PIK3C2A: variants seen among roughly 807,000 people sequenced by gnomAD.
PIK3C2A encodes the protein phosphatidylinositol 4-phosphate 3-kinase C2 domain-containing subunit alpha.
A neutral mutation model predicts 204.5 loss-of-function variants in PIK3C2A; 97 were observed. That is an observed-to-expected ratio of 0.47 (90% CI 0.40 to 0.56). The LOEUF is 0.56. PIK3C2A is among the 20% of genes least tolerant of loss of function. The pLI is 0.00. For missense variants in PIK3C2A, 1,735 were observed against 1,969.2 expected (o/e 0.88, Z 2.25); for synonymous variants, 653 against 664.4 (o/e 0.98, Z 0.26).
Position 17,091,353 on chromosome 11 carries a change from TTCC to T in PIK3C2A, c.4856_4858del (p.Arg1619del). ...ACTTACCATTTCATTGAATGTCGGA[TTCC>T]TCGTTTTTCGTGAAATTTTGGTTTT... On this transcript the variant is annotated inframe_deletion, in exon 32 of 33. Coordinates refer to ENST00000691414, the MANE Select transcript of PIK3C2A (RefSeq NM_002645.4). 1 of 1,613,356 alleles carries T rather than the reference TTCC, an allele frequency of 6.2e-7. No individual in the cohort carries two copies. Among genetic ancestry groups the T allele is most frequent in the East Asian group, 2.2e-5 (1 of 44,868 alleles).
At chr11:17,127,388 A>G (rs1304858704) in intron 13 of PIK3C2A, among the ~76,000 whole-genome samples, 4 of 151,994 alleles carry the variant, frequency 2.6e-5, no homozygotes, top group African/African-American at 9.7e-5. Context: ...GACTCACAGC[A>G]ACCTCTGCCT....
In PIK3C2A at chr11:17,136,629, TAAAAATA is replaced by T. The variant is rs1289538037; in HGVS notation, c.1705-11_1705-5del. ...GATCTACTGCTCGGTGTTGGTTCTT[TAAAAATA>T]AAAAATAAAATAAAAATAGGTAGGT... On this transcript the variant is annotated splice_region_variant and splice_polypyrimidine_tract_variant and intron_variant, in intron 8 of 32. Transcript: ENST00000691414. 2.7e-6 allele frequency: 4 copies of T among 1,505,730 alleles called. No individual in the cohort carries two copies. The highest frequency in any genetic ancestry group is 2.8e-5 in the African/African-American group (2 of 70,762). The allele number at this position is 1,505,730 out of a possible 1,614,324, so 93.3% of individuals were successfully genotyped here.
At chr11:17,200,014 C>T (rs987484645) in intron 1 of PIK3C2A, among the ~76,000 whole-genome samples, 1 of 149,666 alleles carries the variant, frequency 6.7e-6, no homozygotes, top group African/African-American at 2.5e-5. Flanking sequence ...GTAAAAAATA[C>T]AAAAAATACA....
At chr11:17,182,660 AT>A (rs1231224111) in intron 1 of PIK3C2A, among the ~76,000 whole-genome samples, 1 of 151,810 alleles carries the variant, frequency 6.6e-6, no homozygotes, top group Non-Finnish European at 1.5e-5. Context: ...TCCCCCTTTC[AT>A]TTGCCAATCT....
intron 2 of PIK3C2A, among the ~76,000 whole-genome samples, chr11:17,156,028 T>G (rs560449594): frequency 6.6e-6 from 1 of 152,298 alleles, no homozygotes; most frequent in Non-Finnish European, 1.5e-5. Context: ...TTCTATATAT[T>G]CAACTAGGAC....
Position 17,092,201 on chromosome 11 carries a change from A to T in PIK3C2A, c.4527T>A (p.Ser1509Arg), listed in dbSNP as rs1590891212. ...VAAKRKIELNSYLQSLMNAST... is the reference protein window; with the variant it reads ...VAAKRKIELNRYLQSLMNAST... ...AAGCATTCATCAAACTCTGTAAGTA[A>T]CTGTTTAACTCAATTTTCCTTTTGG... The change falls in exon 29 of 33, where the codon AGT becomes AGA. Residue 1509 changes from serine (S) to arginine (R), a missense_variant. Ser to Arg is a moderately radical substitution (Grantham distance 110). Coordinates refer to ENST00000691414, the MANE Select transcript of PIK3C2A (RefSeq NM_002645.4). The T allele has an allele frequency of 1.9e-6, 3 of 1,607,206 alleles. No individual in the cohort carries two copies. Among genetic ancestry groups the T allele is most frequent in the Non-Finnish European group, 1.7e-6 (2 of 1,173,742 alleles).
chr11:17,125,196 AG>A (rs1023285548), intron 13 of PIK3C2A, among the ~76,000 whole-genome samples: 1 of 152,206 alleles, frequency 6.6e-6, no homozygotes, highest in Admixed American at 6.5e-5. Flanking sequence ...AAAACAAAAA[AG>A]GCGGCACTGA....
chr11:17,102,958 A>C (rs1368890361), intron 23 of PIK3C2A, 127 bp from the exon 24 acceptor site: 1 of 595,968 alleles, frequency 1.7e-6, no homozygotes, highest in African/African-American at 1.9e-5. Context: ...AATAGCATAC[A>C]AACTGGGATA....
At chr11:17,134,147 A>T (rs1256732982) in intron 11 of PIK3C2A, among the ~76,000 whole-genome samples, 1 of 152,166 alleles carries the variant, frequency 6.6e-6, no homozygotes, top group African/African-American at 2.4e-5. Flanking sequence ...TTAAACACCA[A>T]GATAACTGGT....
At chr11:17,140,501 C>T (rs1020926756) in intron 8 of PIK3C2A, among the ~76,000 whole-genome samples, 2 of 152,118 alleles carry the variant, frequency 1.3e-5, no homozygotes, top group African/African-American at 4.8e-5. Flanking sequence ...ATGCCTACTA[C>T]AACATGGATG....
chr11:17,092,413 C>T, intron 28 of PIK3C2A, 137 bp from the exon 29 acceptor site: 1 of 613,148 alleles, frequency 1.6e-6, no homozygotes, highest in Non-Finnish European at 2.9e-6. Flanking sequence ...GGCACGGTGG[C>T]TCATGGCCTT....
intron 2 of PIK3C2A, among the ~76,000 whole-genome samples, chr11:17,168,273 A>C (rs1171209599): frequency 6.6e-6 from 1 of 152,184 alleles, no homozygotes; most frequent in Non-Finnish European, 1.5e-5. Flanking sequence ...CAAAGTGAAA[A>C]ATATTTTTTT....
intron 8 of PIK3C2A, among the ~76,000 whole-genome samples, chr11:17,143,639 A>G (rs12418086): frequency 7.0e-6 from 1 of 143,120 alleles, no homozygotes; most frequent in Non-Finnish European, 1.5e-5. Flanking sequence ...AAAAAAAAAC[A>G]AAAAAAAAAG....
chr11:17,110,253 A>G (rs1848955885), intron 22 of PIK3C2A, among the ~76,000 whole-genome samples, 179 bp downstream of exon 22: 1 of 152,100 alleles, frequency 6.6e-6, no homozygotes, highest in African/African-American at 2.4e-5. Context: ...ATGCCCGGCC[A>G]CTAAGTTATT....
At chr11:17,109,771 AGT>A (rs1412893128) in intron 22 of PIK3C2A, among the ~76,000 whole-genome samples, 1 of 152,014 alleles carries the variant, frequency 6.6e-6, no homozygotes, top group African/African-American at 2.4e-5. Flanking sequence ...CCTAGACTCA[AGT>A]GATCCTCCTG....
At chr11:17,150,288 T>C (rs1850383965) in intron 4 of PIK3C2A, among the ~76,000 whole-genome samples, 1 of 152,230 alleles carries the variant, frequency 6.6e-6, no homozygotes, top group Non-Finnish European at 1.5e-5. Context: ...CAAGAGCCAC[T>C]GATTAACAAA....
At chr11:17,128,226 T>C (rs1849583555) in intron 13 of PIK3C2A, among the ~76,000 whole-genome samples, 1 of 124,838 alleles carries the variant, frequency 8.0e-6, no homozygotes, top group Non-Finnish European at 1.7e-5. Flanking sequence ...TAGGGATGCT[T>C]TTTTCTCCTT....
intron 15 of PIK3C2A, 132 bp from the exon 16 acceptor site, chr11:17,120,106 G>T: frequency 2.0e-6 from 1 of 500,050 alleles, no homozygotes; most frequent in South Asian, 4.0e-5. Flanking sequence ...ATACTAATTT[G>T]GAATAGAAAA....
Position 17,101,282 on chromosome 11 carries a change from GA to G in PIK3C2A, c.4003del (p.Ser1335HisfsTer2). ...GTGCTTATAAAGAATAGTTACCAGT[GA>G]AAGGAGGTTAAGAAAAAGGTTTGTC... ...KQTNLFLNLL[S>X]LMIPSGLPEL... is the part of the protein sequence containing the mutation. On this transcript the variant is annotated frameshift_variant, in exon 25 of 33. Transcript: ENST00000691414. LOFTEE classifies it high-confidence loss of function. 1 of 1,529,670 alleles carries G rather than the reference GA, an allele frequency of 6.5e-7. No individual in the cohort carries two copies. Among genetic ancestry groups the G allele is most frequent in the Non-Finnish European group, 8.9e-7 (1 of 1,120,660 alleles). 94.8% of individuals were successfully genotyped at this position (1,529,670 alleles called of 1,614,324 possible).
Sources: gnomAD v4.1 joint callset for allele counts (sites outside exome capture counted in the v4.1 genomes callset) on GRCh38, gnomAD v4.1.1 for gene constraint, MANE v1.5 for transcripts, NCBI Gene and HGNC (gene_info 2026-07-23, HGNC 2026-07-21) for gene names.